DPH6: variants seen among roughly 807,000 people sequenced by gnomAD.
The protein encoded by DPH6 is diphthine--ammonia ligase.
DPH6 carries 33 observed loss-of-function variants against 38.2 expected under a neutral mutation model. That is an observed-to-expected ratio of 0.86 (90% CI 0.65 to 1.15). The LOEUF (loss-of-function observed/expected upper bound fraction) is 1.15. Among genes scored for constraint, DPH6 ranks in the 50% most tolerant of loss-of-function variants. DPH6 has a pLI of 0.00. For synonymous variants in DPH6, 108 were observed against 103.0 expected, an observed-to-expected ratio of 1.05 and a Z score of -0.30; for missense variants, 325 against 320.0, an observed-to-expected ratio of 1.02 and a Z score of -0.12.
chr15:35,456,402 C>T (rs1256710225), intron 3 of DPH6, among the ~76,000 whole-genome samples: 1 of 150,394 alleles, frequency 6.6e-6, no homozygotes, highest in Non-Finnish European at 1.5e-5. Context: ...CTCTAGAGAT[C>T]ATGGAAACAA....
At chr15:35,446,487 G>C (rs888810978) in intron 5 of DPH6, among the ~76,000 whole-genome samples, 3 of 151,856 alleles carry the variant, frequency 2.0e-5, no homozygotes, top group African/African-American at 7.3e-5. Context: ...CTAAAGTCCT[G>C]GGAATACAGG....
At chr15:35,442,729 C>A (rs895541983) in intron 5 of DPH6, among the ~76,000 whole-genome samples, 2 of 152,112 alleles carry the variant, frequency 1.3e-5, no homozygotes, top group African/African-American at 4.8e-5. Flanking sequence ...TTGGATGATT[C>A]TTGAAAACAT....
chr15:35,346,738 A>G (rs982327800), intron 3 of DPH6, among the ~76,000 whole-genome samples: 4 of 152,092 alleles, frequency 2.6e-5, no homozygotes, highest in Non-Finnish European at 4.4e-5. Context: ...CCGTTTATCC[A>G]GTGTATACAT....
intron 3 of DPH6, among the ~76,000 whole-genome samples, chr15:35,537,162 T>C (rs2055182055): frequency 6.6e-6 from 1 of 152,176 alleles, no homozygotes; most frequent in Non-Finnish European, 1.5e-5. Context: ...AACTTTTGAT[T>C]TGTATGAAAC....
chr15:35,242,509 A>G (rs1175298872), intron 3 of DPH6, among the ~76,000 whole-genome samples: 1 of 143,572 alleles, frequency 7.0e-6, no homozygotes, highest in Non-Finnish European at 1.5e-5. Context: ...TCTGTCAGAC[A>G]TAATTCCTCA....
At chr15:35,542,921 TA>T (rs2055277431) in intron 1 of DPH6, among the ~76,000 whole-genome samples, 1 of 110,928 alleles carries the variant, frequency 9.0e-6, no homozygotes, top group African/African-American at 3.3e-5. Context: ...GGAATATATA[TA>T]ATATATATTA....
chr15:35,459,909 A>G (rs2054042711), intron 3 of DPH6, among the ~76,000 whole-genome samples: 1 of 152,232 alleles, frequency 6.6e-6, no homozygotes, highest in Non-Finnish European at 1.5e-5. Context: ...GTTATTCCTC[A>G]TAACAATCCA....
chr15:35,282,696 T>A, intron 3 of DPH6: 1 of 394,070 alleles, frequency 2.5e-6, no homozygotes, highest in South Asian at 2.3e-5. Context: ...GCAATTTACA[T>A]TGATGTGCCA....
At chr15:35,417,338 T>A (rs1241014256) in intron 5 of DPH6, among the ~76,000 whole-genome samples, 2 of 151,830 alleles carry the variant, frequency 1.3e-5, no homozygotes, top group African/African-American at 4.8e-5. Context: ...AGATTTTAGT[T>A]TTTTATTTTA....
chr15:35,315,360 A>G (rs1467773201), intron 3 of DPH6, among the ~76,000 whole-genome samples: 1 of 152,178 alleles, frequency 6.6e-6, no homozygotes, highest in Non-Finnish European at 1.5e-5. Flanking sequence ...GAATAAACAA[A>G]CTTATTTCTT....
At chr15:35,386,836 T>C (rs555433412) in intron 6 of DPH6, among the ~76,000 whole-genome samples, 5,295 of 152,216 alleles carry the variant, frequency 0.035, 283 homozygotes, top group African/African-American at 0.12. Flanking sequence ...GCAGAAGCTC[T>C]TTAGTTTAAT....
At chr15:35,410,078 T>C (rs146542653) in intron 6 of DPH6, among the ~76,000 whole-genome samples, 38 of 151,808 alleles carry the variant, frequency 2.5e-4, no homozygotes, top group African/African-American at 8.0e-4. Flanking sequence ...ATCACAGCAG[T>C]GGTATTAACA....
chr15:35,523,386 C>T (rs1276468662), intron 3 of DPH6, among the ~76,000 whole-genome samples: 2 of 151,394 alleles, frequency 1.3e-5, no homozygotes, highest in East Asian at 3.9e-4. Context: ...AATACTAATC[C>T]CACCAATAAG....
chr15:35,504,957 G>T (rs1375928872), intron 3 of DPH6, among the ~76,000 whole-genome samples: 1 of 152,060 alleles, frequency 6.6e-6, no homozygotes, highest in Admixed American at 6.6e-5. Context: ...AGCATGAATA[G>T]CCATCAAATT....
At chr15:35,263,940 C>G (rs1325290235) in intron 3 of DPH6, among the ~76,000 whole-genome samples, 2 of 152,080 alleles carry the variant, frequency 1.3e-5, no homozygotes, top group Non-Finnish European at 2.9e-5. Flanking sequence ...GTCTCGATCT[C>G]CTGACCTCGT....
At chr15:35,163,694 A>C in the DPH6 span, among the ~76,000 whole-genome samples, 1 of 151,916 alleles carries the variant, frequency 6.6e-6, no homozygotes, top group South Asian at 2.1e-4. Flanking sequence ...ACTTTAAATG[A>C]GCAACCCCTT....
chr15:35,373,892 T>C (rs138096699), intron 7 of DPH6, among the ~76,000 whole-genome samples: 1 of 152,186 alleles, frequency 6.6e-6, no homozygotes, highest in African/African-American at 2.4e-5. Context: ...TTTTAAGACT[T>C]AAATTCCTGT....
chr15:35,307,490 C>A (rs984799104), intron 3 of DPH6, among the ~76,000 whole-genome samples: 2 of 152,046 alleles, frequency 1.3e-5, no homozygotes, highest in East Asian at 1.9e-4. Flanking sequence ...TAAAAACAGT[C>A]CCGACCCTGT....
intron 1 of DPH6, among the ~76,000 whole-genome samples, chr15:35,544,825 CTTTG>C (rs1054235767): frequency 5.3e-4 from 81 of 152,276 alleles, no homozygotes; most frequent in Middle Eastern, 3.4e-3. Context: ...ACTTCTAAGT[CTTTG>C]TTTGTTGTGC....
Sources: allele counts gnomAD v4.1 joint callset (sites outside exome capture counted in the v4.1 genomes callset), GRCh38; gene constraint gnomAD v4.1.1; transcripts MANE v1.5; gene names NCBI Gene and HGNC (gene_info 2026-07-23, HGNC 2026-07-21).